Variants in DMTF1 observed in about 807,000 individuals in gnomAD.
DMTF1 encodes the protein cyclin D binding myb like transcription factor 1.
Under a neutral mutation model 91.1 loss-of-function variants are expected in DMTF1, and 39 were observed. The ratio of observed to expected loss-of-function variants is 0.43; its 90% CI spans 0.33 to 0.56. The LOEUF is 0.56. Ranked by LOEUF, DMTF1 falls within the 20% of genes least tolerant of loss-of-function variation. The pLI is 0.05. For missense variants in DMTF1, 750 were observed against 914.5 expected (o/e 0.82, Z 2.32); for synonymous variants, 338 against 309.5 (o/e 1.09, Z -0.97).
intron 1 of DMTF1, among the ~76,000 whole-genome samples, chr7:87,158,063 A>G (rs1791240727): frequency 6.6e-6 from 1 of 152,090 alleles, no homozygotes. Flanking sequence ...CTAAGTAGTC[A>G]TAAATAAAAC....
chr7:87,193,393 T>C (rs758322700), intron 15 of DMTF1, 40 bp downstream of exon 15: 2 of 1,605,094 alleles, frequency 1.2e-6, no homozygotes, highest in South Asian at 1.1e-5. Flanking sequence ...GTACCTGTTA[T>C]AGACCAGGAT....
At chr7:87,155,262 A>C (rs1191956760) in intron 1 of DMTF1, among the ~76,000 whole-genome samples, 1 of 152,234 alleles carries the variant, frequency 6.6e-6, no homozygotes, top group Non-Finnish European at 1.5e-5. Flanking sequence ...AACAAAGTTT[A>C]AGGAGGGTTC....
intron 6 of DMTF1, 103 bp from the exon 7 acceptor site, chr7:87,174,490 A>T (rs1584332261): frequency 2.6e-6 from 2 of 766,756 alleles, no homozygotes; most frequent in East Asian, 5.8e-5. Flanking sequence ...GAAATTAGCT[A>T]AATTTTATCC....
Position 87,179,637 on chromosome 7 carries a change from C to G in DMTF1, c.612C>G (p.Asn204Lys). The G allele has an allele frequency of 6.3e-7, 1 of 1,582,292 alleles. No homozygotes were observed. Among genetic ancestry groups the G allele is most frequent in the Non-Finnish European group, 8.6e-7 (1 of 1,168,862 alleles). The change falls in exon 8 of 18, where the codon AAC becomes AAG. Residue 204 changes from asparagine to lysine, a missense_variant. By Grantham distance (94) the Asn-to-Lys change is moderately conservative. This residue lies in a region of DMTF1 where 190 missense variants were observed against 343.8 expected (regional missense o/e 0.55). Coordinates refer to ENST00000331242, the MANE Select transcript of DMTF1 (RefSeq NM_001142327.2). ...DFYRTIAWGL[N>K]RPLFAVYRRV... ...ACAGGACTATAGCATGGGGTCTGAA[C>G]CGGCCTTTGTTTGCAGTTTATAGAA...
intron 16 of DMTF1, 160 bp downstream of exon 16, chr7:87,194,262 C>A: frequency 1.4e-6 from 1 of 726,994 alleles, no homozygotes; most frequent in Non-Finnish European, 2.2e-6. Context: ...GGCAGTGATC[C>A]TGTGGCAGTC....
At chr7:87,158,187 A>G (rs1584177361) in intron 1 of DMTF1, among the ~76,000 whole-genome samples, 1 of 152,076 alleles carries the variant, frequency 6.6e-6, no homozygotes, top group African/African-American at 2.4e-5. Flanking sequence ...TAATGAAATG[A>G]CTTATCCCAA....
At chr7:87,155,167 A>C (rs1245529841) in intron 1 of DMTF1, among the ~76,000 whole-genome samples, 1 of 152,216 alleles carries the variant, frequency 6.6e-6, no homozygotes. Flanking sequence ...GGAGCTTAGA[A>C]GTGTTTTTGA....
At chr7:87,191,820 CAAGT>C (rs1396694055) in intron 14 of DMTF1, among the ~76,000 whole-genome samples, 2 of 152,056 alleles carry the variant, frequency 1.3e-5, no homozygotes, top group African/African-American at 4.8e-5. Flanking sequence ...CTTTCTAAAA[CAAGT>C]AAACCTATAA....
intron 7 of DMTF1, among the ~76,000 whole-genome samples, chr7:87,177,056 A>G (rs186445620): frequency 1.4e-3 from 214 of 152,294 alleles, no homozygotes; most frequent in African/African-American, 4.9e-3. Flanking sequence ...TGCATAAGAA[A>G]GAATTTTAGA....
chr7:87,175,421 A>G (rs73206967), intron 7 of DMTF1, among the ~76,000 whole-genome samples: 5,614 of 152,230 alleles, frequency 0.037, 128 homozygotes, highest in East Asian at 0.064. Context: ...TTTATTTCTT[A>G]TTAGCTTAGT....
At chr7:87,160,276 C>CT (rs753441691) in intron 1 of DMTF1, among the ~76,000 whole-genome samples, 3,571 of 134,662 alleles carry the variant, frequency 0.027, 48 homozygotes, top group African/African-American at 0.048. Flanking sequence ...TTTGTCATTT[C>CT]TTTTTTTTTT....
intron 14 of DMTF1, chr7:87,192,589 A>G (rs1399958737): frequency 6.6e-6 from 1 of 152,166 alleles, no homozygotes; most frequent in Non-Finnish European, 1.5e-5. Flanking sequence ...CTTTTTTAGA[A>G]TATTAAGATA....
chr7:87,177,769 T>C (rs1584360085), intron 7 of DMTF1, among the ~76,000 whole-genome samples: 1 of 152,180 alleles, frequency 6.6e-6, no homozygotes, highest in East Asian at 1.9e-4. Flanking sequence ...TTCAGTTGTA[T>C]CTCTTTCTGT....
Position 87,194,809 on chromosome 7 carries a change from G to A in DMTF1, c.2154G>A (p.Leu718=). ...ASDVIDTESV[L]PLTTLTDPIL... Reference sequence around the variant, plus strand: ...ATGTTATAGATACTGAATCTGTCTTGCCTTTGACAACACTAACAGGTACTG... The same window carrying A: ...ATGTTATAGATACTGAATCTGTCTTACCTTTGACAACACTAACAGGTACTG... Residue 718 remains leucine (L), a synonymous_variant, in exon 17 of 18, where the codon TTG becomes TTA. Transcript: ENST00000331242. 1 of 1,611,386 alleles carries A rather than the reference G, an allele frequency of 6.2e-7. No individual in the cohort carries two copies. Among genetic ancestry groups the A allele is most frequent in the Middle Eastern group, 1.7e-4 (1 of 6,042 alleles).
rs1362302304 is a variant in DMTF1, at chr7:87,174,834, T to C, written c.519+165T>C. Reference sequence around the variant, plus strand: ...TGAATAATTCTAAAATACATTATTATAGTACAATAATATTTTGAATTCTCA... The same window carrying C: ...TGAATAATTCTAAAATACATTATTACAGTACAATAATATTTTGAATTCTCA... On this transcript the variant is annotated intron_variant, in intron 7 of 17. Transcript: ENST00000331242. Among the ~76,000 whole-genome samples the C allele has an allele frequency of 9.2e-5, 14 of 152,334 alleles. No individual in the cohort carries two copies. In the South Asian group the frequency reaches 2.9e-3, roughly 32 times the overall value.
intron 13 of DMTF1, among the ~76,000 whole-genome samples, chr7:87,190,409 G>A (rs1414677211): frequency 1.3e-5 from 2 of 152,034 alleles, no homozygotes; most frequent in African/African-American, 4.8e-5. Context: ...TACCAGTCCA[G>A]ACATCCATAG....
At position 87,166,555 on chromosome 7, in the gene DMTF1, ATCAGAGTATTGATGAT is replaced by A; in HGVS notation, c.185_200del (p.Gln62LeufsTer21). Reference sequence around the variant, plus strand: ...AGGCTTTGTTTGTCCTCTGAGGATGATCAGAGTATTGATGATTCTACTCCTTGCATATCAGTTGTTG... The same window carrying A: ...AGGCTTTGTTTGTCCTCTGAGGATGATCTACTCCTTGCATATCAGTTGTTG... On this transcript the variant is annotated frameshift_variant, in exon 4 of 18. Coordinates refer to ENST00000331242, the MANE Select transcript of DMTF1 (RefSeq NM_001142327.2). LOFTEE classifies it high-confidence loss of function. The A allele has an allele frequency of 6.2e-7, 1 of 1,611,262 alleles. No individual in the cohort carries two copies.
intron 4 of DMTF1, among the ~76,000 whole-genome samples, chr7:87,169,512 C>T (rs1794612001): frequency 6.6e-6 from 1 of 152,158 alleles, no homozygotes; most frequent in South Asian, 2.1e-4. Flanking sequence ...CAATTTTCCT[C>T]CTTGCCTTTA....
At chr7:87,166,816 C>CT (rs796425514) in intron 4 of DMTF1, among the ~76,000 whole-genome samples, 79 of 148,616 alleles carry the variant, frequency 5.3e-4, no homozygotes, top group African/African-American at 1.4e-3. Context: ...TCTTCCCAAC[C>CT]TTTTTTTTTT....
Sources: allele counts gnomAD v4.1 joint callset (sites outside exome capture counted in the v4.1 genomes callset), GRCh38; gene constraint gnomAD v4.1.1; regional missense constraint gnomAD v4.1.1; transcripts MANE v1.5; gene names NCBI Gene and HGNC (gene_info 2026-07-23, HGNC 2026-07-21).